Variants in MYO5A observed in about 807,000 individuals in gnomAD.
MYO5A encodes unconventional myosin-Va.
A neutral mutation model predicts 249.7 loss-of-function variants in MYO5A; 98 were observed. The ratio of observed to expected loss-of-function variants is 0.39; its 90% CI spans 0.33 to 0.46. The LOEUF (loss-of-function observed/expected upper bound fraction) is 0.46. Ranked by LOEUF, MYO5A falls within the 20% of genes least tolerant of loss-of-function variation. The pLI, the probability that MYO5A is intolerant of heterozygous loss-of-function variation, is 0.98. For missense variants in MYO5A, 1,696 were observed against 2,308.8 expected (o/e 0.73, Z 5.44); for synonymous variants, 778 against 810.6 (o/e 0.96, Z 0.68).
chr15:52,350,989 C>T (rs1477415702), intron 28 of MYO5A, among the ~76,000 whole-genome samples: 1 of 151,946 alleles, frequency 6.6e-6, no homozygotes, highest in Non-Finnish European at 1.5e-5. Context: ...TTTATTGTGG[C>T]CAGATTACTA....
chr15:52,516,433 G>A (rs1433315887), intron 1 of MYO5A, among the ~76,000 whole-genome samples: 3 of 152,152 alleles, frequency 2.0e-5, no homozygotes, highest in Admixed American at 1.3e-4. Context: ...AAAAATCAAG[G>A]TTTTAGTGGA....
intron 24 of MYO5A, 87 bp downstream of exon 24, chr15:52,364,467 G>A: frequency 7.8e-7 from 1 of 1,280,044 alleles, no homozygotes; most frequent in Admixed American, 2.0e-5. Flanking sequence ...GTACACAGAA[G>A]ATATGGAGGT....
chr15:52,498,125 T>C (rs955060541), intron 1 of MYO5A, among the ~76,000 whole-genome samples: 6 of 151,856 alleles, frequency 4.0e-5, no homozygotes, highest in African/African-American at 1.5e-4. Flanking sequence ...AGAAAATAAT[T>C]GTACAATAAA....
chr15:52,317,249 T>C, intron 39 of MYO5A, 27 bp from the exon 40 acceptor site: 5 of 1,610,248 alleles, frequency 3.1e-6, no homozygotes, highest in East Asian at 2.2e-5. Flanking sequence ...ATACAGAGAA[T>C]GCAAATTTGC....
At chr15:52,316,900 G>A in intron 40 of MYO5A, 148 bp downstream of exon 40, 1 of 798,762 alleles carries the variant, frequency 1.3e-6, no homozygotes, top group Non-Finnish European at 2.0e-6. Context: ...AAATCTCCTT[G>A]CTTTAAGATT....
intron 1 of MYO5A, among the ~76,000 whole-genome samples, chr15:52,454,096 A>T (rs559887237): frequency 6.6e-6 from 1 of 152,258 alleles, no homozygotes; most frequent in African/African-American, 2.4e-5. Flanking sequence ...AACAAGAGTC[A>T]ACTATCTGTT....
chr15:52,403,295 G>A (rs2042841930), intron 9 of MYO5A, among the ~76,000 whole-genome samples: 1 of 152,142 alleles, frequency 6.6e-6, no homozygotes, highest in Admixed American at 6.6e-5. Context: ...ATTCATAACA[G>A]CCAAAAGGTG....
chr15:52,465,706 C>T (rs1482396130), intron 1 of MYO5A, among the ~76,000 whole-genome samples: 1 of 152,092 alleles, frequency 6.6e-6, no homozygotes, highest in Non-Finnish European at 1.5e-5. Context: ...AGAACTCTTA[C>T]AAATCATTAA....
intron 3 of MYO5A, among the ~76,000 whole-genome samples, chr15:52,427,630 T>C (rs1404064006): frequency 1.3e-5 from 2 of 152,136 alleles, no homozygotes; most frequent in Non-Finnish European, 2.9e-5. Context: ...AGGTGGCTGT[T>C]CCTGTCTAAA....
intron 22 of MYO5A, among the ~76,000 whole-genome samples, chr15:52,368,394 T>C (rs1293952225): frequency 6.6e-6 from 1 of 152,162 alleles, no homozygotes; most frequent in Admixed American, 6.5e-5. Context: ...TTTTTCAAAA[T>C]AATGTGCCTA....
At chr15:52,337,344 A>C (rs1288450186) in intron 33 of MYO5A, among the ~76,000 whole-genome samples, 2 of 152,248 alleles carry the variant, frequency 1.3e-5, no homozygotes, top group African/African-American at 2.4e-5. Flanking sequence ...AATCAAAAAG[A>C]AAGTGGACAA....
At chr15:52,405,181 CT>C (rs2042951171) in intron 9 of MYO5A, 105 bp downstream of exon 9, 5 of 827,994 alleles carry the variant, frequency 6.0e-6, no homozygotes, top group Non-Finnish European at 1.0e-5. Flanking sequence ...AATTATGTTT[CT>C]GATAATATTG....
intron 1 of MYO5A, among the ~76,000 whole-genome samples, chr15:52,518,010 C>G (rs1385829510): frequency 6.6e-6 from 1 of 152,028 alleles, no homozygotes; most frequent in Non-Finnish European, 1.5e-5. Context: ...AAAGTTTTCC[C>G]AATTAATTCT....
intron 1 of MYO5A, among the ~76,000 whole-genome samples, chr15:52,484,745 A>T (rs2076783110): frequency 6.6e-6 from 1 of 152,136 alleles, no homozygotes; most frequent in Non-Finnish European, 1.5e-5. Flanking sequence ...CCCAGGTTCA[A>T]GCAATTCTCC....
At chr15:52,438,130 G>C (rs1595683626) in intron 1 of MYO5A, 2 of 824,300 alleles carry the variant, frequency 2.4e-6, no homozygotes, top group Non-Finnish European at 2.9e-6. Flanking sequence ...ATATACCTTA[G>C]ATGCTGAAAC....
intron 20 of MYO5A, among the ~76,000 whole-genome samples, chr15:52,372,944 A>G (rs1596362192): frequency 6.7e-6 from 1 of 149,724 alleles, no homozygotes; most frequent in Admixed American, 6.6e-5. Flanking sequence ...AAAAGTTTGT[A>G]CTGATTTATT....
intron 1 of MYO5A, among the ~76,000 whole-genome samples, chr15:52,485,590 CT>C (rs1253836229): frequency 1.3e-5 from 2 of 152,032 alleles, no homozygotes; most frequent in Non-Finnish European, 2.9e-5. Flanking sequence ...AATATTTACC[CT>C]TTTAAAAAAA....
chr15:52,416,436 A>G (rs1254729484), intron 4 of MYO5A, 135 bp from the exon 5 acceptor site: 11 of 843,786 alleles, frequency 1.3e-5, no homozygotes, highest in Non-Finnish European at 1.7e-5. Context: ...TTATAACACC[A>G]AGGTCTCAGG....
intron 12 of MYO5A, among the ~76,000 whole-genome samples, chr15:52,389,626 A>G (rs761423882): frequency 3.3e-5 from 5 of 152,118 alleles, no homozygotes; most frequent in African/African-American, 4.8e-5. Context: ...AAAATCATCA[A>G]ATAAATTTGT....
Sources: gnomAD v4.1 joint callset for allele counts (sites outside exome capture counted in the v4.1 genomes callset) on GRCh38, gnomAD v4.1.1 for gene constraint, MANE v1.5 for transcripts, NCBI Gene and HGNC (gene_info 2026-07-23, HGNC 2026-07-21) for gene names.